TNFRSF8: variants seen among roughly 807,000 people sequenced by gnomAD.
TNFRSF8 encodes tumor necrosis factor receptor superfamily member 8.
Under a neutral mutation model 70.8 loss-of-function variants are expected in TNFRSF8, and 26 were observed. The observed-to-expected ratio is 0.37, with a 90% CI of 0.27 to 0.51. The LOEUF is 0.51. Among genes scored for constraint, TNFRSF8 ranks in the 20% least tolerant of loss-of-function variants. TNFRSF8 has a pLI of 0.94. For missense variants in TNFRSF8, 720 were observed against 807.9 expected, an observed-to-expected ratio of 0.89 and a Z score of 1.32; for synonymous variants, 356 against 339.2, an observed-to-expected ratio of 1.05 and a Z score of -0.54.
chr1:12,081,657 C>CAA lies in TNFRSF8; in HGVS notation c.64-2796_64-2795dup, dbSNP rs398102446. Among the ~76,000 whole-genome samples the CAA allele has an allele frequency of 1.0e-3, 150 of 145,694 alleles. 2 individuals are homozygous for CAA. The highest frequency in any genetic ancestry group is 5.7e-3 in the East Asian group (28 of 4,942). Reference sequence around the variant, plus strand: ...AATATGGTGACATGTTTCAGACATGCAAAAAAAAAAAAGAATGATGTAACC... The same window carrying CAA: ...AATATGGTGACATGTTTCAGACATGCAAAAAAAAAAAAAAGAATGATGTAACC... On this transcript the variant is annotated intron_variant, in intron 1 of 14. Transcript: ENST00000263932.
chr1:12,093,990 C>T (rs535732592), intron 2 of TNFRSF8, among the ~76,000 whole-genome samples: 11 of 141,478 alleles, frequency 7.8e-5, no homozygotes, highest in South Asian at 2.4e-4. Flanking sequence ...ACCTGGGAGG[C>T]GGAGGTTGCA....
intron 2 of TNFRSF8, among the ~76,000 whole-genome samples, chr1:12,095,226 A>C (rs1410925245): frequency 6.6e-6 from 1 of 152,086 alleles, no homozygotes; most frequent in Non-Finnish European, 1.5e-5. Flanking sequence ...CATTGCTTTG[A>C]AACTGTGGAG....
chr1:12,113,437 G>A lies in TNFRSF8; in HGVS notation c.793+1423G>A, dbSNP rs966705789. On this transcript the variant is annotated intron_variant, in intron 7 of 14. Coordinates refer to ENST00000263932, the MANE Select transcript of TNFRSF8 (RefSeq NM_001243.5). This position sits in a 1 kb window ranked among gnomAD's most constrained non-coding sequence, Gnocchi z 4.9. ...GATCCGCCGGCCTTGGCCTCCCAAA[G>A]TGTTGGAATTACAAGCATGAGCCAT... 1.3e-5 allele frequency among the ~76,000 whole-genome samples: 2 copies of A among 152,184 alleles called. No individual in the cohort carries two copies. The highest frequency in any genetic ancestry group is 3.8e-4 in the East Asian group (2 of 5,206).
chr1:12,125,891 C>G, intron 10 of TNFRSF8, 60 bp from the exon 11 acceptor site: 1 of 1,358,638 alleles, frequency 7.4e-7, no homozygotes, highest in Non-Finnish European at 1.1e-6. Context: ...TCGTCTGGGG[C>G]TGGGGCTGTC....
At position 12,097,103 on chromosome 1, in the gene TNFRSF8, C is replaced by T. The variant is rs767637282; in HGVS notation, c.154C>T (p.Leu52=). Reference sequence around the variant, plus strand: ...AGCTTCTCTGTTTCTTTTCCCAGGGCTGTTCCCGACACAGCAGTGCCCACA... The same window carrying T: ...AGCTTCTCTGTTTCTTTTCCCAGGGTTGTTCCCGACACAGCAGTGCCCACA... ...RRCCYRCPMG[L]FPTQQCPQRP... is the part of the protein sequence containing the mutation. Residue 52 remains leucine (L), a splice_region_variant and synonymous_variant, in exon 3 of 15, where the codon CTG becomes TTG. Coordinates refer to ENST00000263932, the MANE Select transcript of TNFRSF8 (RefSeq NM_001243.5). 6 of 1,613,372 alleles carry T rather than the reference C, an allele frequency of 3.7e-6. No homozygotes were observed. Among genetic ancestry groups the T allele is most frequent in the Non-Finnish European group, 4.2e-6 (5 of 1,179,508 alleles).
chr1:12,080,897 C>T (rs1168477581), intron 1 of TNFRSF8, among the ~76,000 whole-genome samples: 1 of 152,102 alleles, frequency 6.6e-6, no homozygotes, highest in Non-Finnish European at 1.5e-5. Context: ...TAGCCTGTGG[C>T]CCAGAGATGG....
intron 2 of TNFRSF8, among the ~76,000 whole-genome samples, chr1:12,096,022 G>A (rs752850237): frequency 3.3e-5 from 5 of 152,190 alleles, no homozygotes; most frequent in South Asian, 2.1e-4. Flanking sequence ...GTAGATAAAC[G>A]GAGGACATCT....
At position 12,138,242 on chromosome 1, in the gene TNFRSF8, G is replaced by A; in HGVS notation, c.1349G>A (p.Gly450Asp). 6.2e-7 allele frequency: 1 copy of A among 1,613,626 alleles called. No homozygotes were observed. Among genetic ancestry groups the A allele is most frequent in the Non-Finnish European group, 8.5e-7 (1 of 1,179,918 alleles). Reference protein sequence around the residue: ...PRRSSTQLRSGASVTEPVAEE... With the variant: ...PRRSSTQLRSDASVTEPVAEE... ...CCCGTCCCACAGCAGCTGAGGAGTG[G>A]TGCGTCGGTGACAGAACCCGTCGCG... The change falls in exon 14 of 15, where the codon GGT (glycine) becomes GAT (aspartate). Residue 450 changes from glycine (G) to aspartate (D), a missense_variant. Transcript: ENST00000263932. This position sits in a 1 kb window ranked among gnomAD's most constrained non-coding sequence, Gnocchi z 5.7.
In TNFRSF8 at chr1:12,114,467, A is replaced by G. The variant is rs530307630; in HGVS notation, c.794-1110A>G. On this transcript the variant is annotated intron_variant, in intron 7 of 14. Coordinates refer to ENST00000263932, the MANE Select transcript of TNFRSF8 (RefSeq NM_001243.5). Reference sequence around the variant, plus strand: ...CTTGCTCTGGATGTTGTAAGAAGAGACTGTCCAGCCCTTATCATTATCATG... The same window carrying G: ...CTTGCTCTGGATGTTGTAAGAAGAGGCTGTCCAGCCCTTATCATTATCATG... 5.3e-5 allele frequency among the ~76,000 whole-genome samples: 8 copies of G among 152,176 alleles called. No individual in the cohort carries two copies. In the South Asian group the frequency reaches 1.7e-3, roughly 32 times the overall value.
In TNFRSF8 at chr1:12,108,109, C is replaced by T. The variant is rs1450210433; in HGVS notation, c.422-1457C>T. On this transcript the variant is annotated intron_variant, in intron 4 of 14. Coordinates refer to ENST00000263932, the MANE Select transcript of TNFRSF8 (RefSeq NM_001243.5). The surrounding 1 kb of genome is among the most constrained non-coding windows in gnomAD (Gnocchi z 4.0). Reference sequence around the variant, plus strand: ...TTTTTTTTTTTTTGTGATGGAGCCTCGATCTGTCACCCAGACTAGAGTGCA... The same window carrying T: ...TTTTTTTTTTTTTGTGATGGAGCCTTGATCTGTCACCCAGACTAGAGTGCA... 1.1e-4 allele frequency among the ~76,000 whole-genome samples: 15 copies of T among 138,356 alleles called. No individual in the cohort carries two copies. The highest frequency in any genetic ancestry group is 2.3e-4 in the Non-Finnish European group (14 of 60,588). 90.8% of individuals were successfully genotyped at this position (138,356 alleles called of 152,430 possible).
intron 2 of TNFRSF8, among the ~76,000 whole-genome samples, chr1:12,084,945 C>A (rs936499069): frequency 6.6e-6 from 1 of 152,166 alleles, no homozygotes; most frequent in Non-Finnish European, 1.5e-5. Flanking sequence ...TAAGTTCCAG[C>A]TACTTCCCTT....
At chr1:12,111,296 C>T (rs1056514829) in intron 6 of TNFRSF8, among the ~76,000 whole-genome samples, 6 of 152,086 alleles carry the variant, frequency 3.9e-5, no homozygotes, top group Non-Finnish European at 5.9e-5. Flanking sequence ...ATTCTCCTGC[C>T]TCAGCCTCCC....
At chr1:12,070,550 C>T (rs984766181) in intron 1 of TNFRSF8, among the ~76,000 whole-genome samples, 4 of 152,158 alleles carry the variant, frequency 2.6e-5, no homozygotes, top group Non-Finnish European at 4.4e-5. Flanking sequence ...GTCTCAAACT[C>T]CCAGGGCTCA....
At chr1:12,137,558 G>GTTTTTTTTTTT (rs57661698) in intron 13 of TNFRSF8, among the ~76,000 whole-genome samples, 3 of 135,200 alleles carry the variant, frequency 2.2e-5, no homozygotes, top group East Asian at 2.1e-4. Context: ...GTTTTTTTTT[G>GTTTTTTTTTTT]TTTTTTTTTT....
At chr1:12,102,572 C>T (rs1327370964) in intron 3 of TNFRSF8, among the ~76,000 whole-genome samples, 1 of 152,298 alleles carries the variant, frequency 6.6e-6, no homozygotes, top group East Asian at 1.9e-4. Context: ...TTTGCCCAGG[C>T]TGGAGTGAAG....
chr1:12,107,041 C>T (rs973291018), intron 4 of TNFRSF8, among the ~76,000 whole-genome samples: 2 of 152,222 alleles, frequency 1.3e-5, no homozygotes, highest in Admixed American at 6.5e-5. Context: ...CTTTGCTGCC[C>T]CTGGACCCCA....
chr1:12,102,206 G>A (rs1183134166), intron 3 of TNFRSF8, among the ~76,000 whole-genome samples: 1 of 152,140 alleles, frequency 6.6e-6, no homozygotes, highest in African/African-American at 2.4e-5. Context: ...TGATGCCGGT[G>A]GTCTGCGAAT....
intron 1 of TNFRSF8, among the ~76,000 whole-genome samples, chr1:12,076,189 C>T (rs1640964195): frequency 6.6e-6 from 1 of 151,138 alleles, no homozygotes. Context: ...CAACCTCTGC[C>T]TCCCGGGTTC....
At chr1:12,095,166 A>G (rs1268655073) in intron 2 of TNFRSF8, among the ~76,000 whole-genome samples, 1 of 152,176 alleles carries the variant, frequency 6.6e-6, no homozygotes, top group Non-Finnish European at 1.5e-5. Context: ...AGATATTCTC[A>G]GATTATATTA....
Sources: gnomAD v4.1 joint callset for allele counts (sites outside exome capture counted in the v4.1 genomes callset) on GRCh38, gnomAD v4.1.1 for gene constraint, Gnocchi (gnomAD v3.1) non-coding constraint, MANE v1.5 for transcripts, NCBI Gene and HGNC (gene_info 2026-07-23, HGNC 2026-07-21) for gene names.